The following ERLIN1 variants were observed in gnomAD, a reference collection of about 807,000 sequenced individuals.
ERLIN1 encodes erlin-1.
In ERLIN1, 24 loss-of-function variants were observed where a neutral mutation model predicts 46.9. The ratio of observed to expected loss-of-function variants is 0.51; its 90% confidence interval spans 0.37 to 0.72. The LOEUF (loss-of-function observed/expected upper bound fraction) is 0.72, where lower values mean the gene tolerates loss of function less well. Among genes scored for constraint, ERLIN1 ranks in the 30% least tolerant of loss-of-function variants. The pLI, the probability that ERLIN1 is intolerant of heterozygous loss-of-function variation, is 0.00. For missense variants in ERLIN1, 293 were observed against 417.9 expected, an observed-to-expected ratio of 0.70 and a Z score of 2.61; for synonymous variants, 158 against 143.2, an observed-to-expected ratio of 1.10 and a Z score of -0.74.
Position 100,152,091 on chromosome 10 carries a change from G to T in ERLIN1, c.*40C>A. 7.8e-7 allele frequency: 1 copy of T among 1,279,334 alleles called. No individual in the cohort carries two copies. 79.2% of individuals were successfully genotyped at this position (1,279,334 alleles called of 1,614,324 possible). On this transcript the variant is annotated 3_prime_UTR_variant, in exon 11 of 11. Transcript: ENST00000421367. ...AATGATTGTTCCCACTTAACCCCTT[G>T]GGCCACATCTTGATATGGAGAACAT...
rs1263269039 is a variant in ERLIN1, at chr10:100,177,530, T to A, written c.304+603A>T. 2.6e-5 allele frequency among the ~76,000 whole-genome samples: 4 copies of A among 152,312 alleles called. No individual in the cohort carries two copies. The East Asian group carries it at 5.8e-4, about 22-fold the overall frequency. ...CCTGAAGGCAAAGGCTGTAATTTCATCTTTTCAAATTATTCTTGCCAAACA... is the reference window on the plus strand; with the variant it reads ...CCTGAAGGCAAAGGCTGTAATTTCAACTTTTCAAATTATTCTTGCCAAACA... On this transcript the variant is annotated intron_variant, in intron 4 of 10. Coordinates refer to ENST00000421367, the MANE Select transcript of ERLIN1 (RefSeq NM_006459.4).
Position 100,164,027 on chromosome 10 carries a change from G to T in ERLIN1, c.632C>A (p.Thr211Lys). ...ACCTATAACTGCCTTTTTCCTCTCTGTCTCAGCTTCTTTTTCCACAACCTT... is the reference window on the plus strand; with the variant it reads ...ACCTATAACTGCCTTTTTCCTCTCTTTCTCAGCTTCTTTTTCCACAACCTT... ...KQKVVEKEAETERKKAVIEAE... is the reference protein window; with the variant it reads ...KQKVVEKEAEKERKKAVIEAE... Residue 211 changes from threonine to lysine, a missense_variant, in exon 8 of 11, where the codon ACA becomes AAA. This residue lies in a region of ERLIN1 where 148 missense variants were observed against 266.5 expected (regional missense o/e 0.56). Transcript: ENST00000421367. The T allele has an allele frequency of 6.2e-7, 1 of 1,612,576 alleles. No individual in the cohort carries two copies. The highest frequency in any genetic ancestry group is 8.5e-7 in the Non-Finnish European group (1 of 1,178,848).
chr10:100,181,458 A>G (rs951266083), intron 2 of ERLIN1, among the ~76,000 whole-genome samples: 1 of 151,722 alleles, frequency 6.6e-6, no homozygotes, highest in African/African-American at 2.4e-5. Context: ...ATGTCTTCTA[A>G]TATGTTCCAA....
intron 7 of ERLIN1, among the ~76,000 whole-genome samples, chr10:100,165,385 C>CTTTTT (rs35096142): frequency 3.1e-5 from 4 of 130,554 alleles, no homozygotes; most frequent in African/African-American, 5.9e-5. Context: ...CAGAAGCAAT[C>CTTTTT]TTTTTTTTTT....
chr10:100,156,300 C>A, intron 8 of ERLIN1, 66 bp from the exon 9 acceptor site: 2 of 943,036 alleles, frequency 2.1e-6, no homozygotes, highest in South Asian at 2.7e-5. Context: ...GCACTTCGAA[C>A]CAGCAGCACA....
intron 6 of ERLIN1, among the ~76,000 whole-genome samples, chr10:100,171,893 T>TA (rs780041390): frequency 6.6e-6 from 1 of 152,224 alleles, no homozygotes; most frequent in Non-Finnish European, 1.5e-5. Flanking sequence ...TTGCATCTGC[T>TA]AATTATTTGG....
At chr10:100,163,261 A>G (rs1843455389) in intron 8 of ERLIN1, among the ~76,000 whole-genome samples, 1 of 152,142 alleles carries the variant, frequency 6.6e-6, no homozygotes, top group South Asian at 2.1e-4. Flanking sequence ...GTATAAAAAT[A>G]TGGACAGAAA....
At chr10:100,162,479 A>G (rs913718674) in intron 8 of ERLIN1, among the ~76,000 whole-genome samples, 2 of 152,206 alleles carry the variant, frequency 1.3e-5, no homozygotes, top group Non-Finnish European at 2.9e-5. Flanking sequence ...AAATCAAAGA[A>G]GTACTTGAGA....
chr10:100,179,253 G>A lies in ERLIN1; in HGVS notation c.196-6C>T, dbSNP rs370245217. ...TCATCAGTTTGTAGTGTTGTCTAGG[G>A]AGGAAAAGATATCTCATCAACACTC... On this transcript the variant is annotated splice_region_variant and splice_polypyrimidine_tract_variant and intron_variant, in intron 2 of 10. Coordinates refer to ENST00000421367, the MANE Select transcript of ERLIN1 (RefSeq NM_006459.4). 2.5e-6 allele frequency: 4 copies of A among 1,588,200 alleles called. No individual in the cohort carries two copies. The African/African-American group carries it at 5.4e-5, about 21-fold the overall frequency.
At chr10:100,177,449 T>A (rs568135990) in intron 4 of ERLIN1, among the ~76,000 whole-genome samples, 123 of 152,320 alleles carry the variant, frequency 8.1e-4, no homozygotes, top group African/African-American at 2.9e-3. Context: ...TGACCTTACA[T>A]CCCAATATAT....
intron 6 of ERLIN1, among the ~76,000 whole-genome samples, chr10:100,173,807 T>C (rs914384749): frequency 9.9e-5 from 15 of 152,222 alleles, no homozygotes; most frequent in African/African-American, 3.6e-4. Flanking sequence ...ATTCAATAGA[T>C]TCATCTGTCA....
At chr10:100,176,132 C>G in intron 4 of ERLIN1, 62 bp from the exon 5 acceptor site, 1 of 1,491,834 alleles carries the variant, frequency 6.7e-7, no homozygotes, top group South Asian at 1.3e-5. Flanking sequence ...CCTTCAAATT[C>G]AGCCAGGGTA....
chr10:100,172,176 A>G (rs1844039697), intron 6 of ERLIN1, among the ~76,000 whole-genome samples: 1 of 152,242 alleles, frequency 6.6e-6, no homozygotes, highest in South Asian at 2.1e-4. Context: ...TATAACCATT[A>G]AAAGTAATGA....
At chr10:100,181,934 T>C (rs547798053) in intron 2 of ERLIN1, among the ~76,000 whole-genome samples, 93 of 152,356 alleles carry the variant, frequency 6.1e-4, no homozygotes, top group African/African-American at 2.2e-3. Context: ...TAAAACTTTT[T>C]TGTAGATGCG....
At chr10:100,157,235 A>T (rs1004911304) in intron 8 of ERLIN1, among the ~76,000 whole-genome samples, 2 of 152,218 alleles carry the variant, frequency 1.3e-5, no homozygotes, top group African/African-American at 4.8e-5. Context: ...ACAGGATGAA[A>T]ATGGTATCAG....
At chr10:100,163,446 A>G (rs1323417186) in intron 8 of ERLIN1, among the ~76,000 whole-genome samples, 1 of 151,862 alleles carries the variant, frequency 6.6e-6, no homozygotes, top group Non-Finnish European at 1.5e-5. Flanking sequence ...TGTTCTCTGT[A>G]CATTCCTCTA....
At chr10:100,167,097 T>C (rs1241084143) in intron 7 of ERLIN1, among the ~76,000 whole-genome samples, 1 of 152,214 alleles carries the variant, frequency 6.6e-6, no homozygotes, top group Non-Finnish European at 1.5e-5. Flanking sequence ...CTTCCAGCAA[T>C]AGTTTTACAG....
At chr10:100,158,356 A>G (rs1305678344) in intron 8 of ERLIN1, among the ~76,000 whole-genome samples, 3 of 152,256 alleles carry the variant, frequency 2.0e-5, no homozygotes, top group Non-Finnish European at 4.4e-5. Context: ...CAACTGGACT[A>G]ACAACATACT....
Position 100,185,508 on chromosome 10 carries a change from G to T in ERLIN1, c.113+6C>A, listed in dbSNP as rs773444871. The T allele has an allele frequency of 1.2e-6, 2 of 1,601,302 alleles. No individual in the cohort carries two copies. The highest frequency in any genetic ancestry group is 3.3e-5 in the Admixed American group (2 of 60,000). ...AGAGCCCTAACTGACTGCACATGCC[G>T]CTCACCTGTAGTACACAGCCAGATG... On this transcript the variant is annotated splice_donor_region_variant and intron_variant, in intron 1 of 10. Transcript: ENST00000421367.
Sources: gnomAD v4.1 joint callset for allele counts (sites outside exome capture counted in the v4.1 genomes callset) on GRCh38, gnomAD v4.1.1 for gene constraint, gnomAD v4.1.1 regional missense constraint, MANE v1.5 for transcripts, NCBI Gene and HGNC (gene_info 2026-07-23, HGNC 2026-07-21) for gene names.